NCKAP5: variants seen among roughly 807,000 people sequenced by gnomAD.
The protein encoded by NCKAP5 is nck-associated protein 5.
NCKAP5 carries 92 observed loss-of-function variants against 167.0 expected under a neutral mutation model. The observed-to-expected ratio is 0.55, with a 90% CI of 0.47 to 0.66. The LOEUF is 0.66. Ranked by LOEUF, NCKAP5 falls within the 30% of genes least tolerant of loss-of-function variation. The pLI is 0.00. For missense variants in NCKAP5, 2,378 were observed against 2,315.0 expected (o/e 1.03, Z -0.56); for synonymous variants, 891 against 877.4 (o/e 1.02, Z -0.27).
intron 7 of NCKAP5, among the ~76,000 whole-genome samples, chr2:132,969,228 G>A (rs552322382): frequency 1.3e-5 from 2 of 152,060 alleles, no homozygotes; most frequent in East Asian, 3.9e-4. Context: ...AGTAGAGATG[G>A]GGTTTCATTA....
Position 132,784,489 on chromosome 2 carries a change from G to A in NCKAP5, c.2322C>T (p.Val774=), listed in dbSNP as rs771259083. The A allele has an allele frequency of 1.8e-5, 29 of 1,577,882 alleles. No homozygotes were observed. The East Asian group carries it at 6.3e-4, about 34-fold the overall frequency. The stretch of plus-strand genomic sequence containing the variant: ...GGCATGATATATTGTGTGTTGGTTT[G>A]ACCAGCTTTTGCTGCTGAGGATTTT... ...VTQNPQQQKL[V]KPTHNISCQS... is the part of the protein sequence containing the mutation. The change falls in exon 14 of 20, where the codon GTC becomes GTT. Residue 774 remains valine (V), a synonymous_variant. Transcript: ENST00000409261.
chr2:133,298,831 C>G (rs999130840), intron 4 of NCKAP5, among the ~76,000 whole-genome samples: 9 of 152,084 alleles, frequency 5.9e-5, no homozygotes, highest in Non-Finnish European at 8.8e-5. Context: ...TACAACCATA[C>G]ATGTTATTGC....
Position 132,723,140 on chromosome 2 carries a change from A to ATTT in NCKAP5, c.5713+2484_5713+2486dup, listed in dbSNP as rs869234028. 1.8e-3 allele frequency among the ~76,000 whole-genome samples: 166 copies of ATTT among 93,404 alleles called. 3 individuals are homozygous for ATTT. Among genetic ancestry groups the ATTT allele is most frequent in the Middle Eastern group, 7.5e-3 (1 of 134 alleles). 61.3% of individuals were successfully genotyped at this position (93,404 alleles called of 152,430 possible). A position where few individuals can be genotyped will look rare whatever the true frequency, so the allele number is the denominator to read the frequency against. ...CCATGCCTGGCCTGAGCCAGGTGGT[A>ATTT]TTTTTTTTTTTTTTTTTTTTTTTGA... On this transcript the variant is annotated intron_variant, in intron 19 of 19. Coordinates refer to ENST00000409261, the MANE Select transcript of NCKAP5 (RefSeq NM_207363.3).
intron 2 of NCKAP5, among the ~76,000 whole-genome samples, chr2:133,557,053 C>T (rs1436966325): frequency 2.6e-5 from 4 of 152,100 alleles, no homozygotes; most frequent in Non-Finnish European, 4.4e-5. Flanking sequence ...AAATGAGCAA[C>T]AGAATACAAA....
rs937469892 is a variant in NCKAP5, at chr2:132,672,950, C to T, written c.*339G>A. On this transcript the variant is annotated 3_prime_UTR_variant, in exon 20 of 20. Transcript: ENST00000409261. Reference sequence around the variant, plus strand: ...ATAGTTTATTGTTATCTCTATCAAGCGGTGCACCCCCCACCCCCCACCCAT... The same window carrying T: ...ATAGTTTATTGTTATCTCTATCAAGTGGTGCACCCCCCACCCCCCACCCAT... 16 of 606,334 alleles carry T rather than the reference C, an allele frequency of 2.6e-5. No homozygotes were observed. The highest frequency in any genetic ancestry group is 2.9e-5 in the Non-Finnish European group (14 of 486,020). 37.6% of individuals were successfully genotyped at this position (606,334 alleles called of 1,614,324 possible).
chr2:133,089,619 T>C (rs1412505541), intron 6 of NCKAP5, among the ~76,000 whole-genome samples: 2 of 152,162 alleles, frequency 1.3e-5, no homozygotes, highest in Non-Finnish European at 2.9e-5. Context: ...TCTAGGAAAA[T>C]TCAATGTACA....
intron 19 of NCKAP5, among the ~76,000 whole-genome samples, chr2:132,713,788 G>T (rs557327980): frequency 1.3e-5 from 2 of 152,116 alleles, no homozygotes; most frequent in Non-Finnish European, 2.9e-5. Flanking sequence ...TGATGCTTGT[G>T]GGGGGTTCAT....
At chr2:132,794,325 G>C (rs1351712406) in intron 12 of NCKAP5, among the ~76,000 whole-genome samples, 3 of 143,742 alleles carry the variant, frequency 2.1e-5, no homozygotes, top group South Asian at 2.3e-4. Flanking sequence ...GGAAGAGAGA[G>C]AGAAAGAGAG....
the NCKAP5 span, among the ~76,000 whole-genome samples, chr2:133,629,211 T>C: frequency 6.6e-6 from 1 of 152,170 alleles, no homozygotes; most frequent in Non-Finnish European, 1.5e-5. Flanking sequence ...ACTTACACAA[T>C]GGGAGAAAAT....
chr2:133,113,155 G>A (rs2081969120), intron 6 of NCKAP5, among the ~76,000 whole-genome samples: 1 of 151,714 alleles, frequency 6.6e-6, no homozygotes. Context: ...TACCTTGGGT[G>A]GTGCTCAGAA....
At chr2:133,014,522 A>G (rs569417870) in intron 6 of NCKAP5, among the ~76,000 whole-genome samples, 1 of 152,342 alleles carries the variant, frequency 6.6e-6, no homozygotes, top group Admixed American at 6.5e-5. Flanking sequence ...ATGGCACAAT[A>G]CAGGTACCAC....
intron 4 of NCKAP5, among the ~76,000 whole-genome samples, chr2:133,215,938 G>A (rs781010659): frequency 9.9e-5 from 15 of 151,970 alleles, no homozygotes; most frequent in African/African-American, 1.4e-4. Flanking sequence ...GATAGAAGCC[G>A]ATGAACAAAA....
chr2:133,001,777 A>G (rs954741681), intron 6 of NCKAP5, among the ~76,000 whole-genome samples: 1 of 152,120 alleles, frequency 6.6e-6, no homozygotes, highest in Non-Finnish European at 1.5e-5. Context: ...TTACTTGCAA[A>G]TGCTGCACAG....
chr2:133,207,538 G>C (rs1222800415), intron 5 of NCKAP5, among the ~76,000 whole-genome samples: 1 of 152,096 alleles, frequency 6.6e-6, no homozygotes, highest in Non-Finnish European at 1.5e-5. Flanking sequence ...GGAACCAGGT[G>C]ACCTTGGAAA....
Position 132,781,119 on chromosome 2 carries a change from C to G in NCKAP5, c.4982G>C (p.Ser1661Thr). Residue 1661 changes from serine to threonine, a missense_variant, in exon 15 of 20, where the codon AGT becomes ACT. Ser to Thr is a moderately conservative substitution (Grantham distance 58). This residue lies in a region of NCKAP5 where 1,325 missense variants were observed against 1,274.5 expected (regional missense o/e 1.04). Coordinates refer to ENST00000409261, the MANE Select transcript of NCKAP5 (RefSeq NM_207363.3). ...GTTTTTCTTGTGGTTTCCTTGAGTA[C>G]TGATAGAGCTGCCGATGAGACAGGA... ...QGSCLIGSSI[S>T]TQGNHKKNMK... 1 of 1,613,832 alleles carries G rather than the reference C, an allele frequency of 6.2e-7. No homozygotes were observed. Among genetic ancestry groups the G allele is most frequent in the South Asian group, 1.1e-5 (1 of 91,020 alleles).
At chr2:133,393,568 C>T (rs956561371) in intron 3 of NCKAP5, among the ~76,000 whole-genome samples, 4 of 152,180 alleles carry the variant, frequency 2.6e-5, no homozygotes, top group African/African-American at 7.2e-5. Context: ...TTTATAACCA[C>T]CATAAATTAT....
At chr2:133,265,656 G>T (rs1015246655) in intron 4 of NCKAP5, among the ~76,000 whole-genome samples, 7 of 152,118 alleles carry the variant, frequency 4.6e-5, no homozygotes, top group African/African-American at 1.7e-4. Context: ...CAAGTGGCCT[G>T]CAGCTGGGCA....
intron 3 of NCKAP5, among the ~76,000 whole-genome samples, chr2:133,453,965 T>C (rs1464841771): frequency 1.3e-5 from 2 of 152,078 alleles, no homozygotes; most frequent in Non-Finnish European, 2.9e-5. Flanking sequence ...CAATTCATCA[T>C]GTATATCTAA....
chr2:133,618,541 A>G, the NCKAP5 span, among the ~76,000 whole-genome samples: 751 of 149,584 alleles, frequency 5.0e-3, 4 homozygotes, highest in African/African-American at 0.016. Flanking sequence ...GCAGCCAAAA[A>G]ACACATGAAA....
Sources: allele counts gnomAD v4.1 joint callset (sites outside exome capture counted in the v4.1 genomes callset), GRCh38; gene constraint gnomAD v4.1.1; regional missense constraint gnomAD v4.1.1; transcripts MANE v1.5; gene names NCBI Gene and HGNC (gene_info 2026-07-23, HGNC 2026-07-21).